The following CCDC57 variants were observed in gnomAD, a reference collection of about 807,000 sequenced individuals.
CCDC57 encodes the protein coiled-coil domain containing 57.
In CCDC57, 118 loss-of-function variants were observed where a neutral mutation model predicts 118.9. The observed-to-expected ratio is 0.99, with a 90% CI of 0.86 to 1.16. CCDC57 has a LOEUF of 1.16. CCDC57 is among the 50% of genes most tolerant of loss of function. CCDC57 has a pLI of 0.00. For missense variants in CCDC57, 1,300 were observed against 1,320.7 expected (o/e 0.98, Z 0.24); for synonymous variants, 527 against 532.9 (o/e 0.99, Z 0.15).
At chr17:82,124,840 C>T (rs1027975002) in intron 19 of CCDC57, among the ~76,000 whole-genome samples, 2 of 151,824 alleles carry the variant, frequency 1.3e-5, no homozygotes, top group African/African-American at 4.8e-5. Flanking sequence ...AGCCAAGAAA[C>T]GAAAGTGCTC....
chr17:82,179,107 G>A (rs749318039), exon 10 of CCDC57: 9 of 1,613,742 alleles, frequency 5.6e-6, no homozygotes, highest in South Asian at 1.1e-5. Flanking sequence ...TCACAGCGGC[G>A]CTGCCAGTCC....
intron 13 of CCDC57, among the ~76,000 whole-genome samples, chr17:82,167,999 T>G (rs368194303): frequency 5.4e-4 from 82 of 152,360 alleles, no homozygotes; most frequent in African/African-American, 1.9e-3. Flanking sequence ...CTCCTGACAT[T>G]CCTAGTTTCC....
chr17:82,145,502 G>A (rs945683808), intron 16 of CCDC57, among the ~76,000 whole-genome samples: 6 of 151,820 alleles, frequency 4.0e-5, no homozygotes, highest in Admixed American at 1.3e-4. Context: ...AGCCGAGATC[G>A]CACCACTGCA....
intron 15 of CCDC57, among the ~76,000 whole-genome samples, chr17:82,153,135 T>C (rs1256673753): frequency 6.6e-6 from 1 of 151,888 alleles, no homozygotes; most frequent in Non-Finnish European, 1.5e-5. Context: ...CCTGGGAGAA[T>C]AGACAGGAAT....
chr17:82,171,399 G>T (rs2044710144), intron 13 of CCDC57, among the ~76,000 whole-genome samples: 1 of 144,568 alleles, frequency 6.9e-6, no homozygotes, highest in African/African-American at 2.6e-5. Flanking sequence ...GCTCTGGAGG[G>T]AGCACAAGGA....
At chr17:82,104,193 C>T (rs939569206) in intron 19 of CCDC57, among the ~76,000 whole-genome samples, 1 of 152,260 alleles carries the variant, frequency 6.6e-6, no homozygotes, top group Non-Finnish European at 1.5e-5. Context: ...TCTCGCCTGA[C>T]CTGTTTTGCC....
At chr17:82,211,647 G>A (rs6502089) in intron 1 of CCDC57, among the ~76,000 whole-genome samples, 71,790 of 150,928 alleles carry the variant, frequency 0.48, 17,859 homozygotes, top group East Asian at 0.88. Context: ...TCTCGGTGTG[G>A]TACCCTACTT....
At chr17:82,195,008 G>A (rs932758628) in intron 5 of CCDC57, among the ~76,000 whole-genome samples, 2 of 152,254 alleles carry the variant, frequency 1.3e-5, no homozygotes, top group African/African-American at 4.8e-5. Context: ...AGGTGTCCAG[G>A]GCTGTGACCA....
intron 19 of CCDC57, among the ~76,000 whole-genome samples, chr17:82,117,683 A>AG (rs1479764745): frequency 9.5e-6 from 1 of 105,426 alleles, no homozygotes; most frequent in Non-Finnish European, 2.2e-5. Context: ...AAAATGGACT[A>AG]GAAAAAAAAG....
intron 16 of CCDC57, among the ~76,000 whole-genome samples, 161 bp downstream of exon 15, chr17:82,151,399 A>G (rs1373818115): frequency 6.8e-6 from 1 of 148,130 alleles, no homozygotes; most frequent in African/African-American, 2.5e-5. Context: ...AACCTGACCC[A>G]CACCCAGAAC....
At position 82,172,607 on chromosome 17, in the gene CCDC57, C is replaced by T; in HGVS notation, c.1729+31G>A. 6.5e-7 allele frequency: 1 copy of T among 1,538,098 alleles called. No individual in the cohort carries two copies. The highest frequency in any genetic ancestry group is 1.2e-5 in the South Asian group (1 of 83,740). ...CCTCCCTCCCTCTCCCCCTTCCTCT[C>T]CCGCTCTGTCCGTTTCTCCCACTTA... On this transcript the variant is annotated intron_variant, in intron 12 of 19. Transcript: ENST00000665763. This position sits in a 1 kb window ranked among gnomAD's most constrained non-coding sequence, Gnocchi z 5.2.
chr17:82,113,608 C>T (rs566930267), intron 19 of CCDC57: 27 of 717,586 alleles, frequency 3.8e-5, no homozygotes, highest in Middle Eastern at 2.3e-4. Context: ...TTACCAAGCT[C>T]GCCTCCTGGT....
intron 13 of CCDC57, among the ~76,000 whole-genome samples, chr17:82,166,309 A>C: frequency 6.6e-6 from 1 of 151,566 alleles, no homozygotes. Context: ...CAATAGTTTA[A>C]GATCAGCCTG....
intron 19 of CCDC57, chr17:82,126,448 A>G (rs1233106346): frequency 2.0e-6 from 2 of 977,778 alleles, no homozygotes; most frequent in East Asian, 1.1e-4. Flanking sequence ...TCTATCACAT[A>G]TAATGAGCTG....
At chr17:82,105,548 C>T (rs538418432) in intron 19 of CCDC57, among the ~76,000 whole-genome samples, 34 of 152,258 alleles carry the variant, frequency 2.2e-4, no homozygotes, top group Admixed American at 6.5e-4. Context: ...AGGCCACGCC[C>T]ACCCGTGTCT....
intron 16 of CCDC57, among the ~76,000 whole-genome samples, chr17:82,148,084 G>A (rs1476541657): frequency 4.6e-5 from 2 of 43,678 alleles, no homozygotes; most frequent in South Asian, 1.1e-3. Context: ...GTAGATGGGT[G>A]GATGGATGGA....
At chr17:82,101,599 C>A in exon 20 of CCDC57, 2 of 1,200,192 alleles carry the variant, frequency 1.7e-6, no homozygotes, top group South Asian at 1.4e-5. Context: ...GTGCCCACAC[C>A]CCCCCACAAC....
intron 2 of CCDC57, among the ~76,000 whole-genome samples, chr17:82,206,777 C>A (rs146947738): frequency 1.3e-5 from 2 of 152,278 alleles, no homozygotes; most frequent in East Asian, 3.9e-4. Context: ...GGCCAGGACT[C>A]GCGACTGGTG....
intron 15 of CCDC57, 54 bp from the exon 15 acceptor site, chr17:82,151,827 C>T (rs555382994): frequency 1.5e-4 from 220 of 1,482,792 alleles, no homozygotes; most frequent in African/African-American, 1.4e-3. Flanking sequence ...CATGGGAGGA[C>T]GCCAGGGGTG....
Sources: gnomAD v4.1 joint callset for allele counts (sites outside exome capture counted in the v4.1 genomes callset) on GRCh38, gnomAD v4.1.1 for gene constraint, Gnocchi (gnomAD v3.1) non-coding constraint, MANE v1.5 for transcripts, NCBI Gene and HGNC (gene_info 2026-07-23, HGNC 2026-07-21) for gene names.